S100PBP: variants seen among roughly 807,000 people sequenced by gnomAD.
S100PBP encodes the protein S100P-binding protein.
In S100PBP, 15 loss-of-function variants were observed where a neutral mutation model predicts 39.9. The ratio of observed to expected loss-of-function variants is 0.38; its 90% CI spans 0.25 to 0.58. The LOEUF (loss-of-function observed/expected upper bound fraction) is 0.58. S100PBP is among the 20% of genes least tolerant of loss of function. The pLI is 0.70. For synonymous variants in S100PBP, 178 were observed against 180.3 expected (o/e 0.99, Z 0.10); for missense variants, 504 against 487.3 (o/e 1.03, Z -0.32).
intron 5 of S100PBP, among the ~76,000 whole-genome samples, chr1:32,840,791 T>C (rs986264871): frequency 1.3e-5 from 2 of 152,238 alleles, no homozygotes; most frequent in African/African-American, 4.8e-5. Flanking sequence ...AGTAATAATG[T>C]TGAGCATCTT....
intron 5 of S100PBP, among the ~76,000 whole-genome samples, chr1:32,845,467 C>A (rs1451156341): frequency 1.3e-5 from 2 of 151,954 alleles, no homozygotes; most frequent in Non-Finnish European, 2.9e-5. Flanking sequence ...GATGGTATCT[C>A]ACTGTTACCC....
At chr1:32,844,781 A>G (rs1482191941) in intron 5 of S100PBP, among the ~76,000 whole-genome samples, 1 of 151,836 alleles carries the variant, frequency 6.6e-6, no homozygotes. Context: ...ATAGAGATAT[A>G]TATCTCTGTA....
upstream of S100PBP, chr1:32,816,889 C>A (rs1261197266): frequency 3.6e-6 from 2 of 559,600 alleles, no homozygotes; most frequent in Non-Finnish European, 6.4e-6. Context: ...GTATCCCCAG[C>A]GACTAAGCAC....
rs12403474 is a variant in S100PBP, at chr1:32,829,495, C to T, written c.921-469C>T. Among the ~76,000 whole-genome samples the T allele has an allele frequency of 5.5e-3, 834 of 152,192 alleles. 34 individuals carry two copies. Among genetic ancestry groups the T allele is most frequent in the Admixed American group, 0.05 (757 of 15,280 alleles). On this transcript the variant is annotated intron_variant, in intron 4 of 6. Transcript: ENST00000373475. ...TGATTTTTTTAGAGACAGGGTCTCACTCTGTGGCCCAAGCTGGAATACAGT... is the reference window on the plus strand; with the variant it reads ...TGATTTTTTTAGAGACAGGGTCTCATTCTGTGGCCCAAGCTGGAATACAGT...
chr1:32,852,070 A>G lies in S100PBP; in HGVS notation c.1025-1009A>G, dbSNP rs543658562. On this transcript the variant is annotated intron_variant, in intron 5 of 6. Coordinates refer to ENST00000373475, the MANE Select transcript of S100PBP (RefSeq NM_022753.4). Reference sequence around the variant, plus strand: ...GCCATGCATGGTGGCTCACACCTGTAATCCTAGCACTTTGGGAGGATCATT... The same window carrying G: ...GCCATGCATGGTGGCTCACACCTGTGATCCTAGCACTTTGGGAGGATCATT... Among the ~76,000 whole-genome samples the G allele has an allele frequency of 2.0e-5, 3 of 152,318 alleles. No homozygotes were observed. The South Asian group carries it at 6.2e-4, about 32-fold the overall frequency.
At position 32,826,626 on chromosome 1, in the gene S100PBP, C is replaced by G. The variant is rs1639341286; in HGVS notation, c.527C>G (p.Ser176Cys). ...TCCAAAGATACTGAAAAACTCTCTTCCCTTGGAGAAGAGATGAGAGAAGAT... is the reference window on the plus strand; with the variant it reads ...TCCAAAGATACTGAAAAACTCTCTTGCCTTGGAGAAGAGATGAGAGAAGAT... The part of the protein sequence containing the change: ...DSSKDTEKLS[S>C]LGEEMREDGL... The change falls in exon 3 of 7, where the codon TCC becomes TGC. Residue 176 changes from serine to cysteine, a missense_variant. Physicochemically the swap from Ser to Cys is moderately radical, Grantham distance 112. Transcript: ENST00000373475. The G allele has an allele frequency of 6.2e-7, 1 of 1,614,014 alleles. No individual in the cohort carries two copies. The highest frequency in any genetic ancestry group is 8.5e-7 in the Non-Finnish European group (1 of 1,180,034).
Position 32,856,109 on chromosome 1 carries a change from T to G in S100PBP, c.*71T>G. The G allele has an allele frequency of 1.1e-6, 1 of 938,400 alleles. No homozygotes were observed. The highest frequency in any genetic ancestry group is 1.6e-6 in the Non-Finnish European group (1 of 611,598). 58.1% of individuals were successfully genotyped at this position (938,400 alleles called of 1,614,324 possible). A position where few individuals can be genotyped will look rare whatever the true frequency, so the allele number is the denominator to read the frequency against. On this transcript the variant is annotated 3_prime_UTR_variant, in exon 7 of 7. Transcript: ENST00000373475. Reference sequence around the variant, plus strand: ...CTTGGAGCAGCATTTCATGTTCTTTTGCTGTTTTGTGCTTTGCCGATTTTG... The same window carrying G: ...CTTGGAGCAGCATTTCATGTTCTTTGGCTGTTTTGTGCTTTGCCGATTTTG...
At chr1:32,833,660 C>T (rs1053714972) in intron 5 of S100PBP, among the ~76,000 whole-genome samples, 1 of 152,024 alleles carries the variant, frequency 6.6e-6, no homozygotes, top group Admixed American at 6.6e-5. Flanking sequence ...GCACCCAGCC[C>T]ATTTTTTATT....
intron 1 of S100PBP, among the ~76,000 whole-genome samples, chr1:32,818,337 C>T (rs576085976): frequency 1.3e-5 from 2 of 152,262 alleles, no homozygotes; most frequent in Non-Finnish European, 2.9e-5. Flanking sequence ...AAGGCAGTAT[C>T]CTCCAAAGGT....
At chr1:32,840,732 A>G (rs1221685080) in intron 5 of S100PBP, among the ~76,000 whole-genome samples, 1 of 152,152 alleles carries the variant, frequency 6.6e-6, no homozygotes, top group Non-Finnish European at 1.5e-5. Flanking sequence ...ACTTTCTAAT[A>G]TATGTGTAGT....
rs769185691 is a variant in S100PBP at position 32,826,230 on chromosome 1, GAGA to G, written c.138_140del (p.Glu46del). 100 of 1,614,152 alleles carry G rather than the reference GAGA, an allele frequency of 6.2e-5. No individual in the cohort carries two copies. In the African/African-American group the frequency reaches 7.7e-4, roughly 12 times the overall value. Reference sequence around the variant, plus strand: ...GACTCCTTGCTGGAGCTGTCAGAGGGAGAAGAAGATGATGGTGATGTAAATTAC... The same window carrying G: ...GACTCCTTGCTGGAGCTGTCAGAGGGAGAAGATGATGGTGATGTAAATTAC... On this transcript the variant is annotated inframe_deletion, in exon 3 of 7. Transcript: ENST00000373475.
Position 32,826,904 on chromosome 1 carries a change from C to G in S100PBP, c.805C>G (p.Leu269Val). 6.3e-7 allele frequency: 1 copy of G among 1,593,910 alleles called. No individual in the cohort carries two copies. Among genetic ancestry groups the G allele is most frequent in the Non-Finnish European group, 8.5e-7 (1 of 1,172,096 alleles). The change falls in exon 3 of 7, where the codon CTG (leucine) becomes GTG (valine). Residue 269 changes from leucine to valine, a missense_variant. Transcript: ENST00000373475. ...CAAGTCAAGTTGTGAAATGAGATCTCTGGTTGTTTCCACCTCATCAAACAA... is the reference window on the plus strand; with the variant it reads ...CAAGTCAAGTTGTGAAATGAGATCTGTGGTTGTTTCCACCTCATCAAACAA... ...SHKSSCEMRS[L>V]VVSTSSNKQD...
intron 4 of S100PBP, 149 bp downstream of exon 4, chr1:32,828,230 CT>C: frequency 1.8e-6 from 1 of 548,292 alleles, no homozygotes; most frequent in East Asian, 3.1e-5. Flanking sequence ...AACTATGTGA[CT>C]TTTGGCAAGT....
chr1:32,841,160 CAA>C (rs377024249), intron 5 of S100PBP, among the ~76,000 whole-genome samples: 5 of 101,830 alleles, frequency 4.9e-5, no homozygotes, highest in Non-Finnish European at 6.5e-5. Flanking sequence ...GATTCCATCT[CAA>C]AAAAAAAAAA....
rs948194431 is a variant in S100PBP, at chr1:32,856,865, T to C, written c.*827T>C. On this transcript the variant is annotated 3_prime_UTR_variant, in exon 7 of 7. Coordinates refer to ENST00000373475, the MANE Select transcript of S100PBP (RefSeq NM_022753.4). Reference sequence around the variant, plus strand: ...ACCCCCCAGTGACCACTCTGCTCTTTAGGATTCTAGTGGCAGTATTCTTGT... The same window carrying C: ...ACCCCCCAGTGACCACTCTGCTCTTCAGGATTCTAGTGGCAGTATTCTTGT... The C allele has an allele frequency of 6.6e-6, 1 of 152,240 alleles. No individual in the cohort carries two copies. The highest frequency in any genetic ancestry group is 2.4e-5 in the African/African-American group (1 of 41,436). The allele number at this position is 152,240 out of a possible 1,614,324, so 9.4% of individuals were successfully genotyped here.
chr1:32,858,371 C>T lies in S100PBP; in HGVS notation c.*2333C>T, dbSNP rs575338164. ...CAAAGCTTTAGCAGCTTAATTAAAT[C>T]TGTTGGACTGGGGGAGGAGAGAGCT... On this transcript the variant is annotated 3_prime_UTR_variant, in exon 7 of 7. Transcript: ENST00000373475. 1 of 152,756 alleles carries T rather than the reference C, an allele frequency of 6.5e-6. No homozygotes were observed. Among genetic ancestry groups the T allele is most frequent in the East Asian group, 1.9e-4 (1 of 5,194 alleles). 9.5% of individuals were successfully genotyped at this position (152,756 alleles called of 1,614,324 possible).
upstream of S100PBP, chr1:32,817,176 C>A (rs565286232): frequency 1.9e-6 from 3 of 1,614,154 alleles, no homozygotes; most frequent in Non-Finnish European, 2.5e-6. Context: ...ATTTCCAACC[C>A]CCAGGCCTGA....
chr1:32,845,317 C>G (rs1193898433), intron 5 of S100PBP, among the ~76,000 whole-genome samples: 1 of 152,096 alleles, frequency 6.6e-6, no homozygotes, highest in Non-Finnish European at 1.5e-5. Flanking sequence ...GTGGCACATA[C>G]TTGTAGTCCC....
chr1:32,855,852 G>C, intron 6 of S100PBP, 72 bp from the exon 7 acceptor site: 1 of 820,426 alleles, frequency 1.2e-6, no homozygotes, highest in Non-Finnish European at 1.9e-6. Context: ...TGTTGTGCTG[G>C]CCTTTTTTTG....
Sources: allele counts gnomAD v4.1 joint callset (sites outside exome capture counted in the v4.1 genomes callset), GRCh38; gene constraint gnomAD v4.1.1; transcripts MANE v1.5; gene names NCBI Gene and HGNC (gene_info 2026-07-23, HGNC 2026-07-21).